The following GPC6 variants were observed in gnomAD, a reference collection of about 807,000 sequenced individuals.
GPC6 encodes glypican-6.
Under a neutral mutation model 55.2 loss-of-function variants are expected in GPC6, and 14 were observed. The ratio of observed to expected loss-of-function variants is 0.25; its 90% CI spans 0.17 to 0.40. GPC6 has a LOEUF of 0.40. Among genes scored for constraint, GPC6 ranks in the 10% least tolerant of loss-of-function variants. The probability of loss-of-function intolerance (pLI) is 1.00; values close to 1 mark genes in which losing one functional copy is unlikely to be tolerated. For missense variants in GPC6, 641 were observed against 708.5 expected, an observed-to-expected ratio of 0.90 and a Z score of 1.08; for synonymous variants, 278 against 259.6, an observed-to-expected ratio of 1.07 and a Z score of -0.68.
chr13:93,852,087 T>A (rs954140845), intron 3 of GPC6, among the ~76,000 whole-genome samples: 1 of 151,738 alleles, frequency 6.6e-6, no homozygotes, highest in Non-Finnish European at 1.5e-5. Flanking sequence ...AATATCAAAT[T>A]TAAACACTGT....
chr13:94,007,394 G>C (rs1882064948), intron 3 of GPC6, among the ~76,000 whole-genome samples: 1 of 152,204 alleles, frequency 6.6e-6, no homozygotes, highest in Non-Finnish European at 1.5e-5. Context: ...GTCTGTGCGG[G>C]AGATAGACAG....
At chr13:93,797,200 G>A (rs768666671) in intron 2 of GPC6, among the ~76,000 whole-genome samples, 4 of 138,540 alleles carry the variant, frequency 2.9e-5, no homozygotes, top group African/African-American at 5.5e-5. Context: ...TGCCTAGGGC[G>A]GAACCTGAGA....
chr13:94,083,089 A>T (rs1402432767), intron 4 of GPC6, among the ~76,000 whole-genome samples: 1 of 152,058 alleles, frequency 6.6e-6, no homozygotes, highest in Admixed American at 6.6e-5. Context: ...ATCACTCTGC[A>T]CCTTTATCCT....
intron 3 of GPC6, among the ~76,000 whole-genome samples, chr13:93,982,817 T>C (rs1477707134): frequency 6.6e-6 from 1 of 152,176 alleles, no homozygotes; most frequent in Admixed American, 6.5e-5. Flanking sequence ...ACAAAGACAG[T>C]CCTTTCTGTT....
At chr13:94,084,227 G>A (rs556009595) in intron 4 of GPC6, among the ~76,000 whole-genome samples, 85 of 152,296 alleles carry the variant, frequency 5.6e-4, no homozygotes, top group African/African-American at 1.9e-3. Context: ...ACAATGATCT[G>A]TTATTGCCAC....
At chr13:94,010,126 T>C (rs1339918314) in intron 3 of GPC6, among the ~76,000 whole-genome samples, 1 of 152,186 alleles carries the variant, frequency 6.6e-6, no homozygotes, top group African/African-American at 2.4e-5. Flanking sequence ...GAAAATGTGT[T>C]TTCTGTTATT....
intron 4 of GPC6, among the ~76,000 whole-genome samples, chr13:94,076,587 T>G (rs1475254033): frequency 6.6e-6 from 1 of 151,974 alleles, no homozygotes; most frequent in Non-Finnish European, 1.5e-5. Flanking sequence ...CCTGTGTGTT[T>G]TCTCCTAGTT....
At chr13:93,852,045 C>A (rs1013921286) in intron 3 of GPC6, among the ~76,000 whole-genome samples, 5 of 151,514 alleles carry the variant, frequency 3.3e-5, no homozygotes, top group Non-Finnish European at 7.4e-5. Flanking sequence ...AAATGTATTC[C>A]AAAGTAGTTG....
intron 4 of GPC6, among the ~76,000 whole-genome samples, chr13:94,170,147 C>G (rs1017161842): frequency 6.6e-6 from 1 of 152,162 alleles, no homozygotes; most frequent in African/African-American, 2.4e-5. Context: ...TGAAAGAAAA[C>G]ACAGACAGGC....
chr13:93,639,894 A>G lies in GPC6; in HGVS notation c.319+94473A>G, dbSNP rs149114943. Among the ~76,000 whole-genome samples, 349 of 152,220 alleles carry G rather than the reference A, an allele frequency of 2.3e-3. 1 individual carries two copies. The highest frequency in any genetic ancestry group is 8.0e-3 in the African/African-American group (331 of 41,554). ...TAATTATAAAGGTAGACAACAAACC[A>G]CTGTAGAATTAACAATGTCTGTAGC... On this transcript the variant is annotated intron_variant, in intron 2 of 8. Coordinates refer to ENST00000377047, the MANE Select transcript of GPC6 (RefSeq NM_005708.5).
rs1434426765 is a variant in GPC6 at position 94,245,985 on chromosome 13, T to G, written c.878-40364T>G. Reference sequence around the variant, plus strand: ...CACCAATCTACTTTCCCACTAACAGTGGGCAAGGGTTTCCTTTTCTCCGCA... The same window carrying G: ...CACCAATCTACTTTCCCACTAACAGGGGGCAAGGGTTTCCTTTTCTCCGCA... On this transcript the variant is annotated intron_variant, in intron 4 of 8. Coordinates refer to ENST00000377047, the MANE Select transcript of GPC6 (RefSeq NM_005708.5). 3.9e-5 allele frequency among the ~76,000 whole-genome samples: 6 copies of G among 152,250 alleles called. No homozygotes were observed. The East Asian group carries it at 1.2e-3, about 30-fold the overall frequency.
intron 2 of GPC6, among the ~76,000 whole-genome samples, chr13:93,801,242 G>A (rs953599955): frequency 1.3e-5 from 2 of 152,152 alleles, no homozygotes; most frequent in Non-Finnish European, 2.9e-5. Flanking sequence ...GTGTCACTGG[G>A]AACAAGTTAT....
chr13:94,314,428 T>G (rs1300357098), intron 6 of GPC6, among the ~76,000 whole-genome samples: 1 of 152,216 alleles, frequency 6.6e-6, no homozygotes, highest in Non-Finnish European at 1.5e-5. Context: ...AAACAGAAGC[T>G]TTGTTGTCAG....
At chr13:93,547,694 GT>G (rs1179395466) in intron 2 of GPC6, among the ~76,000 whole-genome samples, 4 of 149,814 alleles carry the variant, frequency 2.7e-5, no homozygotes, top group Admixed American at 2.7e-4. Flanking sequence ...TTAAGATTTT[GT>G]TTTTTTTGGA....
At chr13:93,915,563 C>T (rs917819443) in intron 3 of GPC6, among the ~76,000 whole-genome samples, 6 of 152,208 alleles carry the variant, frequency 3.9e-5, no homozygotes, top group Non-Finnish European at 8.8e-5. Context: ...TTTATGCTTA[C>T]ATAGTGGCAG....
At chr13:94,030,607 T>C (rs771466646) in intron 4 of GPC6, among the ~76,000 whole-genome samples, 5 of 152,104 alleles carry the variant, frequency 3.3e-5, no homozygotes, top group South Asian at 2.1e-4. Context: ...AAAAATTATA[T>C]ATAATAGCCC....
chr13:93,694,027 A>C (rs1184147980), intron 2 of GPC6, among the ~76,000 whole-genome samples: 1 of 152,202 alleles, frequency 6.6e-6, no homozygotes, highest in East Asian at 1.9e-4. Context: ...CTCTCATTGA[A>C]ATATCCATAA....
intron 2 of GPC6, among the ~76,000 whole-genome samples, chr13:93,775,119 C>A (rs1053763991): frequency 1.3e-4 from 20 of 152,190 alleles, no homozygotes; most frequent in African/African-American, 4.8e-4. Context: ...CTGCTTACTG[C>A]ATGCTAGGCA....
intron 2 of GPC6, among the ~76,000 whole-genome samples, chr13:93,560,354 A>C (rs1368410741): frequency 6.6e-6 from 1 of 151,716 alleles, no homozygotes; most frequent in Non-Finnish European, 1.5e-5. Context: ...CCAAAAAAAA[A>C]AAAAAAAAAA....
Sources: gnomAD v4.1 joint callset for allele counts (sites outside exome capture counted in the v4.1 genomes callset) on GRCh38, gnomAD v4.1.1 for gene constraint, MANE v1.5 for transcripts, NCBI Gene and HGNC (gene_info 2026-07-23, HGNC 2026-07-21) for gene names.